The following MAPK10 variants were observed in gnomAD, a reference collection of about 807,000 sequenced individuals.
The protein encoded by MAPK10 is JNK3 alpha protein kinase.
Under a neutral mutation model 59.3 loss-of-function variants are expected in MAPK10, and 25 were observed. The ratio of observed to expected loss-of-function variants is 0.42; its 90% CI spans 0.31 to 0.59. The LOEUF is 0.59. MAPK10 is among the 20% of genes least tolerant of loss of function. The pLI, the probability that MAPK10 is intolerant of heterozygous loss-of-function variation, is 0.15. For missense variants in MAPK10, 351 were observed against 568.9 expected (o/e 0.62, Z 3.90); for synonymous variants, 190 against 200.5 (o/e 0.95, Z 0.44).
At chr4:86,274,977 G>A (rs1469780590) in intron 2 of MAPK10, among the ~76,000 whole-genome samples, 1 of 151,868 alleles carries the variant, frequency 6.6e-6, no homozygotes, top group Non-Finnish European at 1.5e-5. Context: ...GCCTCTCTAA[G>A]GCTTTACATA....
At chr4:86,297,754 C>T (rs2095394999) in intron 2 of MAPK10, among the ~76,000 whole-genome samples, 1 of 152,180 alleles carries the variant, frequency 6.6e-6, no homozygotes, top group African/African-American at 2.4e-5. Context: ...ACTCTTTACT[C>T]TAATTTTTTC....
At chr4:86,087,010 C>T (rs758387613) in intron 9 of MAPK10, among the ~76,000 whole-genome samples, 14 of 152,130 alleles carry the variant, frequency 9.2e-5, no homozygotes, top group Non-Finnish European at 1.9e-4. Flanking sequence ...TAAAGGACTT[C>T]ATATCCAAAT....
chr4:86,230,755 A>T (rs17011551), intron 2 of MAPK10, among the ~76,000 whole-genome samples: 12,782 of 152,212 alleles, frequency 0.084, 1,188 homozygotes, highest in African/African-American at 0.23. Flanking sequence ...AAAATATTAC[A>T]ACTTCAATGT....
At chr4:86,359,263 C>CCTCTCCCTCTCTCT (rs1736054629) in intron 1 of MAPK10, among the ~76,000 whole-genome samples, 1 of 53,452 alleles carries the variant, frequency 1.9e-5, no homozygotes, top group Non-Finnish European at 3.8e-5. Flanking sequence ...TTTTTTTTTT[C>CCTCTCCCTCTCTCT]CTCTCTCTCT....
At chr4:86,532,399 C>T (rs931387251) in intron 1 of MAPK10, among the ~76,000 whole-genome samples, 1 of 152,164 alleles carries the variant, frequency 6.6e-6, no homozygotes, top group African/African-American at 2.4e-5. Flanking sequence ...CTGTTGCTTT[C>T]CAAATAATCT....
chr4:86,219,639 A>T (rs377664308), intron 2 of MAPK10: 12 of 152,284 alleles, frequency 7.9e-5, no homozygotes, highest in African/African-American at 2.9e-4. Context: ...GTCAAGTAAC[A>T]CTTAACCTCT....
intron 1 of MAPK10, among the ~76,000 whole-genome samples, chr4:86,393,699 C>G (rs938126411): frequency 1.3e-5 from 2 of 152,116 alleles, no homozygotes; most frequent in Non-Finnish European, 2.9e-5. Flanking sequence ...GGTACTGTCA[C>G]TATATCTGTG....
chr4:86,141,468 C>T (rs2063630612), intron 4 of MAPK10, among the ~76,000 whole-genome samples: 1 of 152,142 alleles, frequency 6.6e-6, no homozygotes, highest in Non-Finnish European at 1.5e-5. Flanking sequence ...CTTACTCTTT[C>T]TAGCCAGAAG....
At position 86,012,102 on chromosome 4, in the gene MAPK10, C is replaced by T. The variant is rs550027828; in HGVS notation, c.*5126G>A. The stretch of plus-strand genomic sequence containing the variant: ...ACCCTGCTCTACTTACCTAATGCCC[C>T]CCCAAAAGATGATCTTTTTTTTCTT... On this transcript the variant is annotated 3_prime_UTR_variant, in exon 14 of 14. Transcript: ENST00000641462. 3 of 152,196 alleles carry T rather than the reference C, an allele frequency of 2.0e-5. No individual in the cohort carries two copies. In the East Asian group the frequency reaches 5.8e-4, roughly 29 times the overall value. The allele number at this position is 152,196 out of a possible 1,614,324, so 9.4% of individuals were successfully genotyped here.
At position 86,219,311 on chromosome 4, in the gene MAPK10, A is replaced by G. The variant is rs1182529543; in HGVS notation, c.-6-24904T>C. Reference sequence around the variant, plus strand: ...ATTCCAAAGTAAAGCACATTACTACAAACTTGAGTCACAAGTACAAACACT... The same window carrying G: ...ATTCCAAAGTAAAGCACATTACTACGAACTTGAGTCACAAGTACAAACACT... On this transcript the variant is annotated intron_variant, in intron 2 of 13. Transcript: ENST00000641462. Among the ~76,000 whole-genome samples the G allele has an allele frequency of 2.0e-5, 3 of 152,228 alleles. No homozygotes were observed. In the East Asian group the frequency reaches 5.8e-4, roughly 29 times the overall value.
chr4:86,168,581 A>G (rs1020661927), intron 3 of MAPK10, among the ~76,000 whole-genome samples: 1 of 152,218 alleles, frequency 6.6e-6, no homozygotes, highest in African/African-American at 2.4e-5. Flanking sequence ...GGTGGAGCCC[A>G]CCACAGCTCA....
intron 2 of MAPK10, among the ~76,000 whole-genome samples, chr4:86,291,105 C>T (rs1302280160): frequency 6.6e-6 from 1 of 152,120 alleles, no homozygotes; most frequent in Admixed American, 6.6e-5. Context: ...GAGTAGATAA[C>T]CAGACAGCGG....
intron 1 of MAPK10, among the ~76,000 whole-genome samples, chr4:86,550,452 A>T (rs961443176): frequency 1.4e-5 from 2 of 146,976 alleles, no homozygotes; most frequent in African/African-American, 5.0e-5. Context: ...TAATCCCAGC[A>T]CTTTGTGGGG....
At chr4:86,154,750 GA>G (rs980772311) in intron 4 of MAPK10, among the ~76,000 whole-genome samples, 24 of 151,684 alleles carry the variant, frequency 1.6e-4, no homozygotes, top group Admixed American at 7.9e-4. Context: ...ACCACAATGG[GA>G]AAAAAAATAT....
chr4:86,075,772 C>T (rs1253306915), intron 9 of MAPK10, among the ~76,000 whole-genome samples: 2 of 152,160 alleles, frequency 1.3e-5, no homozygotes, highest in Non-Finnish European at 2.9e-5. Flanking sequence ...CAGCTGCGTG[C>T]TGGGAGAACC....
At chr4:86,579,539 A>ACT (rs1269628755) in intron 1 of MAPK10, among the ~76,000 whole-genome samples, 1 of 147,168 alleles carries the variant, frequency 6.8e-6, no homozygotes, top group South Asian at 2.1e-4. Flanking sequence ...ACACACACAC[A>ACT]CACACACACA....
chr4:86,047,259 G>A (rs1181241622), intron 11 of MAPK10, among the ~76,000 whole-genome samples: 1 of 152,060 alleles, frequency 6.6e-6, no homozygotes, highest in East Asian at 1.9e-4. Flanking sequence ...TACTATTTTA[G>A]AAAGGATGGT....
At chr4:86,516,842 A>G (rs996360170) in intron 1 of MAPK10, among the ~76,000 whole-genome samples, 2 of 152,196 alleles carry the variant, frequency 1.3e-5, no homozygotes, top group African/African-American at 4.8e-5. Flanking sequence ...TAGCTATGCA[A>G]TCATATCACT....
At chr4:86,223,398 C>T (rs935428031) in intron 2 of MAPK10, among the ~76,000 whole-genome samples, 109 of 152,288 alleles carry the variant, frequency 7.2e-4, no homozygotes, top group Non-Finnish European at 3.7e-4. Flanking sequence ...GTCCTGTGAA[C>T]ATTGTCCTGT....
Sources: allele counts gnomAD v4.1 joint callset (sites outside exome capture counted in the v4.1 genomes callset), GRCh38; gene constraint gnomAD v4.1.1; transcripts MANE v1.5; gene names NCBI Gene and HGNC (gene_info 2026-07-23, HGNC 2026-07-21).